DBF4: variants seen among roughly 807,000 people sequenced by gnomAD.
The protein encoded by DBF4 is protein DBF4 homolog A.
In DBF4, 25 loss-of-function variants were observed where a neutral mutation model predicts 76.6. The observed-to-expected ratio is 0.33, with a 90% CI of 0.24 to 0.46. The LOEUF is 0.46. Ranked by LOEUF, DBF4 falls within the 20% of genes least tolerant of loss-of-function variation. The probability of loss-of-function intolerance (pLI) is 1.00; values close to 1 mark genes in which losing one functional copy is unlikely to be tolerated. For synonymous variants in DBF4, 213 were observed against 258.0 expected (o/e 0.83, Z 1.67); for missense variants, 638 against 760.8 (o/e 0.84, Z 1.90).
intron 3 of DBF4, 102 bp downstream of exon 3, chr7:87,885,260 T>C: frequency 1.0e-6 from 1 of 1,004,816 alleles, no homozygotes; most frequent in Non-Finnish European, 1.5e-6. Flanking sequence ...ATGTAGAACA[T>C]TTGCAAAGCC....
intron 2 of DBF4, among the ~76,000 whole-genome samples, chr7:87,882,905 A>T (rs1839252483): frequency 6.6e-6 from 1 of 152,160 alleles, no homozygotes; most frequent in South Asian, 2.1e-4. Flanking sequence ...TAGTTTCTGA[A>T]AAAAGTAAAA....
intron 6 of DBF4, among the ~76,000 whole-genome samples, chr7:87,891,056 GTTTA>G (rs1381154574): frequency 1.3e-5 from 2 of 151,754 alleles, no homozygotes; most frequent in Non-Finnish European, 2.9e-5. Flanking sequence ...ATTTCAAAAT[GTTTA>G]TTAGGTTCCC....
chr7:87,893,697 G>C (rs1483859567), intron 6 of DBF4, among the ~76,000 whole-genome samples: 1 of 152,070 alleles, frequency 6.6e-6, no homozygotes, highest in African/African-American at 2.4e-5. Flanking sequence ...GCAGTCTTTT[G>C]CATTTAACAT....
chr7:87,903,584 A>G (rs1410751171), intron 10 of DBF4, among the ~76,000 whole-genome samples: 1 of 150,638 alleles, frequency 6.6e-6, no homozygotes, highest in Admixed American at 6.6e-5. Context: ...TCATTCATTT[A>G]TTATTCTATA....
intron 6 of DBF4, among the ~76,000 whole-genome samples, chr7:87,895,007 G>C (rs1170364314): frequency 6.6e-6 from 1 of 151,996 alleles, no homozygotes; most frequent in Non-Finnish European, 1.5e-5. Flanking sequence ...AATAAAGTTA[G>C]ACATCTTGAT....
intron 6 of DBF4, among the ~76,000 whole-genome samples, chr7:87,892,805 T>C (rs1168590807): frequency 3.9e-5 from 6 of 152,136 alleles, no homozygotes; most frequent in African/African-American, 1.4e-4. Flanking sequence ...TCCTGTGGGG[T>C]TACTTTTATC....
intron 1 of DBF4, among the ~76,000 whole-genome samples, chr7:87,877,787 G>C (rs1346573242): frequency 6.6e-6 from 1 of 152,160 alleles, no homozygotes; most frequent in Non-Finnish European, 1.5e-5. Context: ...TCTTTCAAAA[G>C]AGTTTTATAT....
At position 87,885,163 on chromosome 7, in the gene DBF4, G is replaced by C; in HGVS notation, c.399+5G>C. ...TCATTTAAGTCACCAGACACAGTAA[G>C]TCTCTTAAATATGCTTTGAGACTCA... On this transcript the variant is annotated splice_donor_5th_base_variant and intron_variant, in intron 3 of 11. Transcript: ENST00000265728. 1.3e-6 allele frequency: 2 copies of C among 1,596,784 alleles called. No homozygotes were observed. Among genetic ancestry groups the C allele is most frequent in the Non-Finnish European group, 1.7e-6 (2 of 1,171,076 alleles).
rs201601984 is a variant in DBF4 at position 87,897,351 on chromosome 7, A to T, written c.680+12A>T. 6.2e-7 allele frequency: 1 copy of T among 1,611,672 alleles called. No homozygotes were observed. Among genetic ancestry groups the T allele is most frequent in the Non-Finnish European group, 8.5e-7 (1 of 1,179,114 alleles). On this transcript the variant is annotated intron_variant, in intron 8 of 11. Coordinates refer to ENST00000265728, the MANE Select transcript of DBF4 (RefSeq NM_006716.4). ...GAAGATATGAGCCAGTAAGTATTTA[A>T]GTCCAATCTGTATGATTTAAGTGCA...
intron 2 of DBF4, 43 bp from the exon 3 acceptor site, chr7:87,884,932 GTTTC>G: frequency 6.9e-7 from 1 of 1,449,736 alleles, no homozygotes; most frequent in Non-Finnish European, 9.4e-7. Flanking sequence ...GTGAGACCGT[GTTTC>G]TTAAAACAAA....
At chr7:87,891,022 A>C (rs1331090205) in intron 6 of DBF4, among the ~76,000 whole-genome samples, 2 of 152,200 alleles carry the variant, frequency 1.3e-5, no homozygotes, top group Non-Finnish European at 2.9e-5. Flanking sequence ...ATTACATTTA[A>C]GAGTCTTGAA....
At chr7:87,900,192 C>T (rs1248520112) in intron 8 of DBF4, 29 bp from the exon 9 acceptor site, 1 of 1,534,718 alleles carries the variant, frequency 6.5e-7, no homozygotes, top group Non-Finnish European at 8.9e-7. Context: ...CATAAAGAAT[C>T]TCATGTATTT....
chr7:87,898,107 A>C (rs1407624337), intron 8 of DBF4, among the ~76,000 whole-genome samples: 2 of 152,232 alleles, frequency 1.3e-5, no homozygotes, highest in Non-Finnish European at 2.9e-5. Context: ...AAGACCACAG[A>C]TATAAATAGG....
intron 4 of DBF4, 90 bp downstream of exon 4, chr7:87,886,984 A>C (rs531993600): frequency 1.4e-3 from 1,335 of 939,984 alleles, no homozygotes; most frequent in Non-Finnish European, 1.5e-3. Context: ...TTTCCTTTCC[A>C]CATTTTTAGG....
At chr7:87,894,932 C>T in intron 6 of DBF4, among the ~76,000 whole-genome samples, 1 of 152,126 alleles carries the variant, frequency 6.6e-6, no homozygotes. Flanking sequence ...AAGTTTTCAG[C>T]TATTATTTTG....
chr7:87,893,048 A>G (rs1839532610), intron 6 of DBF4, among the ~76,000 whole-genome samples: 1 of 152,156 alleles, frequency 6.6e-6, no homozygotes, highest in African/African-American at 2.4e-5. Context: ...CTTGAGTGAT[A>G]GCGTTGCTCA....
rs190261683 is a variant in DBF4 at position 87,897,735 on chromosome 7, A to G, written c.680+396A>G. Among the ~76,000 whole-genome samples the G allele has an allele frequency of 1.7e-3, 259 of 152,316 alleles. 1 individual carries two copies. Among genetic ancestry groups the G allele is most frequent in the African/African-American group, 5.8e-3 (242 of 41,586 alleles). On this transcript the variant is annotated intron_variant, in intron 8 of 11. Transcript: ENST00000265728. ...ATAACATCTAACATGGTTGATTTCCAAAATTCTGAAGTATTGTAGGATAGT... is the reference window on the plus strand; with the variant it reads ...ATAACATCTAACATGGTTGATTTCCGAAATTCTGAAGTATTGTAGGATAGT...
At chr7:87,882,320 A>G (rs1305135119) in intron 2 of DBF4, among the ~76,000 whole-genome samples, 1 of 152,184 alleles carries the variant, frequency 6.6e-6, no homozygotes, top group African/African-American at 2.4e-5. Flanking sequence ...CATATGCGTA[A>G]ATGAGCTCAA....
rs769466643 is a variant in DBF4, at chr7:87,878,016, T to C, written c.47-37T>C. 5 of 1,427,656 alleles carry C rather than the reference T, an allele frequency of 3.5e-6. No homozygotes were observed. The South Asian group carries it at 6.5e-5, about 18-fold the overall frequency. 88.4% of individuals were successfully genotyped at this position (1,427,656 alleles called of 1,614,324 possible). ...AAATATTTTAAAAATAGTAAAAGTG[T>C]CTGTGTAAAACATCTGATTCTAAAC... On this transcript the variant is annotated intron_variant, in intron 1 of 11. Transcript: ENST00000265728.
Sources: allele counts gnomAD v4.1 joint callset (sites outside exome capture counted in the v4.1 genomes callset), GRCh38; gene constraint gnomAD v4.1.1; transcripts MANE v1.5; gene names NCBI Gene and HGNC (gene_info 2026-07-23, HGNC 2026-07-21).